Variants in GUCY2F observed in about 807,000 individuals in gnomAD.
GUCY2F encodes the protein guanylate cyclase 2F, retinal.
Under a neutral mutation model 73.1 loss-of-function variants are expected in GUCY2F, and 61 were observed. That is an observed-to-expected ratio of 0.83 (90% confidence interval 0.68 to 1.03). The LOEUF is 1.03. GUCY2F is among the 50% of genes least tolerant of loss of function. The probability of loss-of-function intolerance (pLI) is 0.00; values close to 1 mark genes in which losing one functional copy is unlikely to be tolerated. For missense variants in GUCY2F, 912 were observed against 854.3 expected, an observed-to-expected ratio of 1.07 and a Z score of -0.84; for synonymous variants, 331 against 307.8, an observed-to-expected ratio of 1.08 and a Z score of -0.79.
chrX:109,397,598 G>T (rs1361675922), intron 11 of GUCY2F, among the ~76,000 whole-genome samples: 2 of 111,632 alleles, frequency 1.8e-5, no homozygotes, highest in Non-Finnish European at 3.8e-5. Flanking sequence ...TATTACTAGG[G>T]TTCTTATTTG....
chrX:109,426,489 C>A (rs1931489971), intron 8 of GUCY2F, among the ~76,000 whole-genome samples: 2 of 112,145 alleles, frequency 1.8e-5, no homozygotes. Context: ...CCCGGGTTCA[C>A]GCCATTCTCC....
chrX:109,447,019 GA>G (rs1289119401), intron 6 of GUCY2F, among the ~76,000 whole-genome samples: 2 of 112,320 alleles, frequency 1.8e-5, no homozygotes, highest in South Asian at 7.4e-4. Context: ...ACAGGCACAT[GA>G]AAAAATGCTC....
In GUCY2F at chrX:109,441,343, T is replaced by C; in HGVS notation, c.1701+8A>G. On this transcript the variant is annotated splice_region_variant and intron_variant, in intron 7 of 19. Coordinates refer to ENST00000218006, the MANE Select transcript of GUCY2F (RefSeq NM_001522.3). The stretch of plus-strand genomic sequence containing the variant: ...AGCAGTAGATTAGACAGCTGTTGAA[T>C]ATCTTACCTCATAAATCGCTATGTT... 1 of 1,106,504 alleles carries C rather than the reference T, an allele frequency of 9.0e-7. No individual in the cohort carries two copies. The highest frequency in any genetic ancestry group is 1.2e-6 in the Non-Finnish European group (1 of 825,420). The allele number at this position is 1,106,504 out of a possible 1,213,427, so 91.2% of individuals were successfully genotyped here.
chrX:109,448,123 T>C lies in GUCY2F; in HGVS notation c.1515A>G (p.Arg505=), dbSNP rs1320880851. 4.4e-6 allele frequency: 5 copies of C among 1,131,619 alleles called. No homozygotes were observed. Among genetic ancestry groups the C allele is most frequent in the Non-Finnish European group, 4.9e-6 (4 of 822,948 alleles). 93.3% of individuals were successfully genotyped at this position (1,131,619 alleles called of 1,213,427 possible). ...NKIQLIKGPN[R]ILLTLEDVTF... ...TTACATCCTCCAAAGTCAGTAGAAT[T>C]CTATTGGGTCCTTTGATCAACTGGA... Residue 505 remains arginine (R), a synonymous_variant, in exon 6 of 20, where the codon AGA becomes AGG. Transcript: ENST00000218006.
intron 8 of GUCY2F, among the ~76,000 whole-genome samples, chrX:109,415,451 T>A (rs745751076): frequency 8.9e-6 from 1 of 112,445 alleles, no homozygotes; most frequent in East Asian, 2.8e-4. Flanking sequence ...CTTCTGTAGT[T>A]TCCAAATATT....
rs149476508 is a variant in GUCY2F, at chrX:109,476,843, G to A, written c.-85-822C>T. Among the ~76,000 whole-genome samples, 214 of 110,175 alleles carry A rather than the reference G, an allele frequency of 1.9e-3. 1 individual carries two copies. Among genetic ancestry groups the A allele is most frequent in the Non-Finnish European group, 3.1e-3 (165 of 52,824 alleles). ...TATATATGTGTATATATATATGTGC[G>A]TGTATATATGTATGTGTGTGTGTGT... On this transcript the variant is annotated intron_variant, in intron 1 of 19. Coordinates refer to ENST00000218006, the MANE Select transcript of GUCY2F (RefSeq NM_001522.3).
intron 15 of GUCY2F, among the ~76,000 whole-genome samples, chrX:109,387,278 A>G (rs141359642): frequency 1.6e-3 from 185 of 112,554 alleles, no homozygotes; most frequent in Middle Eastern, 4.6e-3. Context: ...AGAGTAAGGG[A>G]GGAGTCAAAG....
chrX:109,428,472 C>A (rs1170637474), intron 8 of GUCY2F, among the ~76,000 whole-genome samples: 1 of 111,538 alleles, frequency 9.0e-6, no homozygotes, highest in Non-Finnish European at 1.9e-5. Context: ...CTGAATTCAT[C>A]AAAAATATCA....
At chrX:109,428,715 A>T (rs146191089) in intron 8 of GUCY2F, among the ~76,000 whole-genome samples, 258 of 111,985 alleles carry the variant, frequency 2.3e-3, no homozygotes, top group African/African-American at 8.0e-3. Context: ...GTTTTTAGGA[A>T]GTACACACTG....
At chrX:109,465,511 G>C in intron 2 of GUCY2F, 68 bp from the exon 3 acceptor site, 1 of 797,008 alleles carries the variant, frequency 1.3e-6, no homozygotes, top group Non-Finnish European at 1.8e-6. Context: ...AAAAACTACA[G>C]AGAGGAAAAA....
rs367902822 is a variant in GUCY2F at position 109,448,096 on chromosome X, C to T, written c.1542G>A (p.Thr514=). Residue 514 remains threonine, a synonymous_variant, in exon 6 of 20, where the codon ACG becomes ACA. Transcript: ENST00000218006. Reference sequence around the variant, plus strand: ...TACTGCCAAAGTGGGGATTGATAAACGTTACATCCTCCAAAGTCAGTAGAA... The same window carrying T: ...TACTGCCAAAGTGGGGATTGATAAATGTTACATCCTCCAAAGTCAGTAGAA... ...NRILLTLEDV[T]FINPHFGSKR... The T allele has an allele frequency of 3.1e-5, 34 of 1,102,079 alleles. No individual in the cohort carries two copies. The highest frequency in any genetic ancestry group is 2.6e-4 in the African/African-American group (14 of 54,834). 90.8% of individuals were successfully genotyped at this position (1,102,079 alleles called of 1,213,427 possible). A position where few individuals can be genotyped will look rare whatever the true frequency, so the allele number is the denominator to read the frequency against.
At chrX:109,439,240 C>T (rs781676486) in intron 7 of GUCY2F, among the ~76,000 whole-genome samples, 2 of 111,738 alleles carry the variant, frequency 1.8e-5, no homozygotes, top group South Asian at 3.8e-4. Context: ...CTCACAGGTG[C>T]CCTGGACCGC....
chrX:109,473,014 T>A, intron 2 of GUCY2F, among the ~76,000 whole-genome samples: 1 of 111,515 alleles, frequency 9.0e-6, no homozygotes, highest in East Asian at 2.8e-4. Context: ...CCTGAGGTTG[T>A]ACTCAGGCCA....
At chrX:109,465,509 CAG>C in intron 2 of GUCY2F, 66 bp from the exon 3 acceptor site, 2 of 805,154 alleles carry the variant, frequency 2.5e-6, no homozygotes, top group Middle Eastern at 2.9e-4. Flanking sequence ...CCAAAAACTA[CAG>C]AGAGGAAAAA....
At chrX:109,476,869 A>G (rs528023364) in intron 1 of GUCY2F, among the ~76,000 whole-genome samples, 1 of 110,633 alleles carries the variant, frequency 9.0e-6, no homozygotes, top group South Asian at 3.8e-4. Flanking sequence ...GTGTGTGTGT[A>G]TACATATATA....
chrX:109,391,221 G>C (rs1228396400), intron 14 of GUCY2F, among the ~76,000 whole-genome samples: 1 of 111,742 alleles, frequency 8.9e-6, no homozygotes. Context: ...ATCAAAATTA[G>C]TCAATGCAGT....
At chrX:109,422,258 C>A (rs1164822186) in intron 8 of GUCY2F, among the ~76,000 whole-genome samples, 1 of 111,344 alleles carries the variant, frequency 9.0e-6, no homozygotes, top group African/African-American at 3.3e-5. Flanking sequence ...TTTATAAACA[C>A]AATGAAACAT....
intron 3 of GUCY2F, among the ~76,000 whole-genome samples, chrX:109,460,784 G>A (rs1489317999): frequency 9.0e-6 from 1 of 111,264 alleles, no homozygotes; most frequent in East Asian, 2.8e-4. Context: ...TGTTTAGATT[G>A]GAATAGGAAG....
chrX:109,401,639 T>TG (rs1449097740), intron 10 of GUCY2F, among the ~76,000 whole-genome samples: 1 of 110,722 alleles, frequency 9.0e-6, no homozygotes, highest in Admixed American at 9.6e-5. Flanking sequence ...GTAGTTTGGG[T>TG]GGGGGGAGAC....
Sources: allele counts gnomAD v4.1 joint callset (sites outside exome capture counted in the v4.1 genomes callset), GRCh38; gene constraint gnomAD v4.1.1; transcripts MANE v1.5; gene names NCBI Gene and HGNC (gene_info 2026-07-23, HGNC 2026-07-21).